Variants in ZNF423 observed in about 807,000 individuals in gnomAD.
The protein encoded by ZNF423 is Ebf-associated zinc finger protein.
A neutral mutation model predicts 95.8 loss-of-function variants in ZNF423; 12 were observed. The ratio of observed to expected loss-of-function variants is 0.13; its 90% CI spans 0.08 to 0.20. The LOEUF is 0.20. ZNF423 is among the 10% of genes least tolerant of loss of function. ZNF423 has a pLI of 1.00. For synonymous variants in ZNF423, 749 were observed against 711.9 expected, an observed-to-expected ratio of 1.05 and a Z score of -0.83; for missense variants, 1,316 against 1,737.1, an observed-to-expected ratio of 0.76 and a Z score of 4.31.
At chr16:49,849,804 C>G (rs555122788) in intron 1 of ZNF423, among the ~76,000 whole-genome samples, 6 of 152,114 alleles carry the variant, frequency 3.9e-5, no homozygotes, top group African/African-American at 1.4e-4. Flanking sequence ...AACTGAGCTC[C>G]GACATTGTGT....
intron 2 of ZNF423, among the ~76,000 whole-genome samples, chr16:49,742,918 G>A (rs2033444503): frequency 6.6e-6 from 1 of 152,206 alleles, no homozygotes. Flanking sequence ...AACAGAGGCG[G>A]TGTGAATGGA....
intron 2 of ZNF423, among the ~76,000 whole-genome samples, chr16:49,788,093 T>C (rs1459421699): frequency 4.6e-5 from 7 of 152,230 alleles, no homozygotes; most frequent in Admixed American, 4.6e-4. Flanking sequence ...GTCCTAGTCC[T>C]GGACCCTCCT....
At chr16:49,718,867 G>T (rs2032784207) in intron 3 of ZNF423, among the ~76,000 whole-genome samples, 1 of 152,100 alleles carries the variant, frequency 6.6e-6, no homozygotes. Flanking sequence ...CCACATTGGG[G>T]ATTAGATTTC....
chr16:49,537,758 A>G (rs1969105122), intron 5 of ZNF423, among the ~76,000 whole-genome samples: 1 of 152,190 alleles, frequency 6.6e-6, no homozygotes, highest in African/African-American at 2.4e-5. Flanking sequence ...CTTGAGGCCA[A>G]GCCCAGTGCT....
chr16:49,709,782 G>C (rs2032486425), intron 3 of ZNF423, among the ~76,000 whole-genome samples: 1 of 152,158 alleles, frequency 6.6e-6, no homozygotes, highest in African/African-American at 2.4e-5. Flanking sequence ...AGGGCACATA[G>C]AAGTCTCCAT....
At chr16:49,502,868 C>A (rs1967471408) in intron 7 of ZNF423, among the ~76,000 whole-genome samples, 1 of 137,270 alleles carries the variant, frequency 7.3e-6, no homozygotes, top group Non-Finnish European at 1.5e-5. Context: ...CCCCCCAATC[C>A]CATGTGCCCA....
upstream of ZNF423, among the ~76,000 whole-genome samples, chr16:49,858,893 G>A (rs1276322891): frequency 2.0e-5 from 3 of 152,148 alleles, no homozygotes; most frequent in Non-Finnish European, 2.9e-5. The surrounding 1 kb of genome is among the most constrained non-coding windows in gnomAD (Gnocchi z 4.3). Flanking sequence ...CCCGCGGAGA[G>A]TGGCTGACAG....
At chr16:49,825,877 G>A (rs1236996040) in intron 1 of ZNF423, among the ~76,000 whole-genome samples, 1 of 152,164 alleles carries the variant, frequency 6.6e-6, no homozygotes, top group Non-Finnish European at 1.5e-5. Context: ...GGACCAACAA[G>A]GTTTCAGAAG....
At chr16:49,627,317 A>C (rs1972325555) in intron 4 of ZNF423, among the ~76,000 whole-genome samples, 1 of 135,278 alleles carries the variant, frequency 7.4e-6, no homozygotes, top group Non-Finnish European at 1.6e-5. Flanking sequence ...ATACATACCC[A>C]CCCATCCATC....
chr16:49,753,859 C>T (rs1232724628), intron 2 of ZNF423, among the ~76,000 whole-genome samples: 3 of 152,024 alleles, frequency 2.0e-5, no homozygotes, highest in Non-Finnish European at 4.4e-5. Context: ...GGCAAAACCC[C>T]GTCTCTACTA....
At chr16:49,583,643 C>T (rs1012311198) in intron 5 of ZNF423, among the ~76,000 whole-genome samples, 2 of 152,102 alleles carry the variant, frequency 1.3e-5, no homozygotes, top group African/African-American at 2.4e-5. Context: ...ACTTATATGT[C>T]GTCAAGCTCA....
chr16:49,593,451 C>A (rs569529066), intron 5 of ZNF423, among the ~76,000 whole-genome samples: 62 of 151,806 alleles, frequency 4.1e-4, no homozygotes, highest in Non-Finnish European at 7.2e-4. Context: ...AAAAAAATTT[C>A]TCTGCCATTC....
chr16:49,784,576 T>A (rs920183623), intron 2 of ZNF423, among the ~76,000 whole-genome samples: 7 of 152,014 alleles, frequency 4.6e-5, no homozygotes, highest in African/African-American at 1.7e-4. Flanking sequence ...TTAGGCTAAG[T>A]GAAAGAAGCT....
At chr16:49,661,389 CA>C (rs1177517608) in intron 3 of ZNF423, among the ~76,000 whole-genome samples, 2 of 152,198 alleles carry the variant, frequency 1.3e-5, no homozygotes, top group East Asian at 1.9e-4. Context: ...TCTTCCCCAC[CA>C]GGGGGGACCC....
intron 5 of ZNF423, among the ~76,000 whole-genome samples, chr16:49,619,935 GGACCAGA>G (rs1420351769): frequency 1.3e-5 from 2 of 152,124 alleles, no homozygotes; most frequent in African/African-American, 2.4e-5. Context: ...TGTCCTCCTT[GGACCAGA>G]GACTCCTTCC....
At chr16:49,836,255 C>T (rs992922224) in intron 1 of ZNF423, among the ~76,000 whole-genome samples, 24 of 152,158 alleles carry the variant, frequency 1.6e-4, no homozygotes, top group African/African-American at 5.8e-4. Context: ...ACAGCCCTGC[C>T]CACCACCTGT....
chr16:49,697,882 T>C (rs777824229), intron 3 of ZNF423, among the ~76,000 whole-genome samples: 1 of 152,224 alleles, frequency 6.6e-6, no homozygotes, highest in African/African-American at 2.4e-5. Flanking sequence ...TGGGGAGCAA[T>C]GCCTTTCAAG....
At chr16:49,815,902 ATATATATATATATTTTTTT>A (rs1567356402) in intron 1 of ZNF423, among the ~76,000 whole-genome samples, 77 of 46,686 alleles carry the variant, frequency 1.6e-3, no homozygotes, top group African/African-American at 6.6e-3. Flanking sequence ...ATATATATAT[ATATATATATATATTTTTTT>A]TTTTTTTTTT....
At chr16:49,504,553 G>T (rs1293779511) in intron 7 of ZNF423, among the ~76,000 whole-genome samples, 1 of 152,168 alleles carries the variant, frequency 6.6e-6, no homozygotes, top group East Asian at 1.9e-4. Context: ...CTGCACTCCA[G>T]CCTGGGTGAC....
Sources: gnomAD v4.1 joint callset for allele counts (sites outside exome capture counted in the v4.1 genomes callset) on GRCh38, gnomAD v4.1.1 for gene constraint, Gnocchi (gnomAD v3.1) non-coding constraint, MANE v1.5 for transcripts, NCBI Gene and HGNC (gene_info 2026-07-23, HGNC 2026-07-21) for gene names.